The following TLN2 variants were observed in gnomAD, a reference collection of about 807,000 sequenced individuals.
TLN2 encodes talin-2.
In TLN2, 118 loss-of-function variants were observed where a neutral mutation model predicts 294.7. That is an observed-to-expected ratio of 0.40 (90% confidence interval 0.34 to 0.47). TLN2 has a LOEUF of 0.47. Ranked by LOEUF, TLN2 falls within the 20% of genes least tolerant of loss-of-function variation. TLN2 has a pLI of 0.84. For missense variants in TLN2, 3,083 were observed against 3,282.2 expected (o/e 0.94, Z 1.48); for synonymous variants, 1,431 against 1,304.5 (o/e 1.10, Z -2.09).
At chr15:62,656,185 C>T in intron 8 of TLN2, 99 bp downstream of exon 8, 1 of 1,468,310 alleles carries the variant, frequency 6.8e-7, no homozygotes. Context: ...GCTTCTGCCA[C>T]ATTTATGGCG....
chr15:62,535,809 T>A (rs2041318178), intron 1 of TLN2, among the ~76,000 whole-genome samples: 1 of 152,222 alleles, frequency 6.6e-6, no homozygotes. Context: ...CGCCTCAGCC[T>A]CCCAAAGTGC....
intron 22 of TLN2, among the ~76,000 whole-genome samples, chr15:62,713,762 TGA>T (rs1348592488): frequency 6.6e-6 from 1 of 152,068 alleles, no homozygotes; most frequent in Admixed American, 6.6e-5. Flanking sequence ...CTTGAGGGAC[TGA>T]GAGTTCTTAG....
At chr15:62,475,247 T>C (rs966322548) in intron 1 of TLN2, among the ~76,000 whole-genome samples, 4 of 152,214 alleles carry the variant, frequency 2.6e-5, no homozygotes, top group African/African-American at 9.7e-5. Context: ...AAATAAACTT[T>C]GTATAAGCCG....
At chr15:62,490,100 T>G (rs1351314536) in intron 1 of TLN2, among the ~76,000 whole-genome samples, 2 of 152,214 alleles carry the variant, frequency 1.3e-5, no homozygotes, top group Non-Finnish European at 2.9e-5. Flanking sequence ...CAGCAGTGAT[T>G]TTAGCATATT....
intron 51 of TLN2, 136 bp from the exon 52 acceptor site, chr15:62,809,789 G>C: frequency 1.4e-6 from 1 of 736,052 alleles, no homozygotes; most frequent in Non-Finnish European, 2.4e-6. Flanking sequence ...ACGTAGAGGA[G>C]AGATACCTCT....
chr15:62,677,712 C>G (rs888142601), intron 11 of TLN2, among the ~76,000 whole-genome samples: 4 of 151,476 alleles, frequency 2.6e-5, no homozygotes, highest in African/African-American at 9.7e-5. Flanking sequence ...TCTCCCTTTC[C>G]TCTCTTTCTT....
intron 41 of TLN2, among the ~76,000 whole-genome samples, 192 bp downstream of exon 41, chr15:62,766,614 A>G (rs553332812): frequency 6.6e-6 from 1 of 152,200 alleles, no homozygotes; most frequent in Non-Finnish European, 1.5e-5. Context: ...TCAGTTCAGG[A>G]TCTATTTTTA....
At chr15:62,697,648 G>C (rs1256547752) in intron 14 of TLN2, 40 bp from the exon 15 acceptor site, 1 of 1,569,678 alleles carries the variant, frequency 6.4e-7, no homozygotes, top group Non-Finnish European at 8.7e-7. Flanking sequence ...ACTCCACATG[G>C]CTGGTGTTCT....
At chr15:62,722,528 G>A in intron 26 of TLN2, 41 bp downstream of exon 26, 1 of 1,578,522 alleles carries the variant, frequency 6.3e-7, no homozygotes, top group Non-Finnish European at 8.6e-7. Flanking sequence ...GTCAGGAAGG[G>A]AGCTGGGGTG....
At position 62,797,210 on chromosome 15, in the gene TLN2, C is replaced by T. The variant is rs779233338; in HGVS notation, c.6051-9C>T. ...CTCCCCCTCTCCCCTGCCCTCCTGG[C>T]TCTCTCAGGGAGAACATTCTCAAGA... On this transcript the variant is annotated splice_polypyrimidine_tract_variant and intron_variant, in intron 47 of 58. Coordinates refer to ENST00000636159, the MANE Select transcript of TLN2 (RefSeq NM_015059.3). The T allele has an allele frequency of 2.5e-6, 4 of 1,614,094 alleles. No individual in the cohort carries two copies. Among genetic ancestry groups the T allele is most frequent in the Non-Finnish European group, 3.4e-6 (4 of 1,180,008 alleles).
At chr15:62,689,068 C>CTCTTTTTT in intron 12 of TLN2, among the ~76,000 whole-genome samples, 1 of 116,640 alleles carries the variant, frequency 8.6e-6, no homozygotes, top group Non-Finnish European at 1.8e-5. Context: ...TTCTCTCTCT[C>CTCTTTTTT]TTTTTTTTTT....
intron 19 of TLN2, among the ~76,000 whole-genome samples, chr15:62,703,602 GACACACACACACAC>G (rs748715423): frequency 7.1e-5 from 9 of 127,650 alleles, no homozygotes; most frequent in African/African-American, 2.1e-4. Context: ...TGTTTACTTC[GACACACACACACAC>G]ACACACGCGC....
chr15:62,547,838 A>G (rs1484737319), intron 1 of TLN2, among the ~76,000 whole-genome samples: 2 of 152,188 alleles, frequency 1.3e-5, no homozygotes, highest in Non-Finnish European at 2.9e-5. Context: ...GGCCGTGGCC[A>G]ATTGTGTGAT....
intron 32 of TLN2, among the ~76,000 whole-genome samples, chr15:62,742,024 G>GTGTGTGTGTGTGTGTGT (rs1491242073): frequency 1.5e-4 from 12 of 82,276 alleles, no homozygotes; most frequent in African/African-American, 8.8e-5. Flanking sequence ...CTTGTAGTGG[G>GTGTGTGTGTGTGTGTGT]GTGTGTGTGT....
At chr15:62,462,511 C>G (rs1419121781) in intron 1 of TLN2, among the ~76,000 whole-genome samples, 1 of 152,202 alleles carries the variant, frequency 6.6e-6, no homozygotes, top group Non-Finnish European at 1.5e-5. Context: ...ACCAGTGATT[C>G]ATCTTCCCTG....
intron 1 of TLN2, among the ~76,000 whole-genome samples, chr15:62,573,437 C>A (rs964259021): frequency 6.6e-6 from 1 of 152,148 alleles, no homozygotes; most frequent in African/African-American, 2.4e-5. Context: ...CCTCTTCCTG[C>A]ATTCATCCTT....
chr15:62,448,563 T>C (rs190825993), intron 1 of TLN2, among the ~76,000 whole-genome samples: 1 of 152,210 alleles, frequency 6.6e-6, no homozygotes, highest in Non-Finnish European at 1.5e-5. Context: ...GGTTTATTAT[T>C]TGTAAGGGCG....
chr15:62,462,787 G>A (rs1316495635), intron 1 of TLN2, among the ~76,000 whole-genome samples: 2 of 152,180 alleles, frequency 1.3e-5, no homozygotes, highest in African/African-American at 4.8e-5. Context: ...CCCACATGCA[G>A]GCTGGACAGC....
chr15:62,550,823 G>A (rs911772448), intron 1 of TLN2, among the ~76,000 whole-genome samples: 2 of 152,046 alleles, frequency 1.3e-5, no homozygotes, highest in East Asian at 1.9e-4. Flanking sequence ...CAACCTTTTT[G>A]GTTTTGTGGA....
Sources: allele counts gnomAD v4.1 joint callset (sites outside exome capture counted in the v4.1 genomes callset), GRCh38; gene constraint gnomAD v4.1.1; transcripts MANE v1.5; gene names NCBI Gene and HGNC (gene_info 2026-07-23, HGNC 2026-07-21).